The following REN variants were observed in gnomAD, a reference collection of about 807,000 sequenced individuals.
REN encodes renin, also known as angiotensin-forming enzyme.
In REN, 42 loss-of-function variants were observed where a neutral mutation model predicts 48.6. The ratio of observed to expected loss-of-function variants is 0.86; its 90% CI spans 0.68 to 1.12. The LOEUF is 1.12. Ranked by LOEUF, REN falls within the 50% of genes most tolerant of loss-of-function variation. REN has a pLI of 0.00. For missense variants in REN, 443 were observed against 527.3 expected (o/e 0.84, Z 1.57); for synonymous variants, 196 against 204.6 (o/e 0.96, Z 0.36).
At position 204,154,918 on chromosome 1, in the gene REN, C is replaced by T; in HGVS notation, c.*98G>A. 1 of 1,408,040 alleles carries T rather than the reference C, an allele frequency of 7.1e-7. No homozygotes were observed. Among genetic ancestry groups the T allele is most frequent in the Non-Finnish European group, 9.9e-7 (1 of 1,011,756 alleles). The allele number at this position is 1,408,040 out of a possible 1,614,324, so 87.2% of individuals were successfully genotyped here. ...AGCAGGAGCTCCACATCCAATGTCT[C>T]CATCTGAGGGCATAAGCCCAGGCAG... On this transcript the variant is annotated 3_prime_UTR_variant, in exon 10 of 10. Transcript: ENST00000272190.
chr1:204,155,345 C>T (rs11571123), intron 9 of REN, among the ~76,000 whole-genome samples, 168 bp from the exon 10 acceptor site: 1 of 152,166 alleles, frequency 6.6e-6, no homozygotes, highest in Non-Finnish European at 1.5e-5. Context: ...CCATCGTGGA[C>T]TGCACCACTC....
rs1553304566 is a variant in REN at position 204,156,336 on chromosome 1, T to TCAGACAGAGAGACAGA, written c.819-18_819-17insTCTGTCTCTCTGTCTG. The TCAGACAGAGAGACAGA allele has an allele frequency of 6.3e-6, 10 of 1,587,798 alleles. No homozygotes were observed. Among genetic ancestry groups the TCAGACAGAGAGACAGA allele is most frequent in the Admixed American group, 1.7e-5 (1 of 58,980 alleles). On this transcript the variant is annotated splice_polypyrimidine_tract_variant and intron_variant, in intron 7 of 9. Transcript: ENST00000272190. This position sits in a 1 kb window ranked among gnomAD's most constrained non-coding sequence, Gnocchi z 4.2. Reference sequence around the variant, plus strand: ...ACAGACACCCTGGGGGAGGCCACAGTCAGACAGACAGACAGACAGACAGAC... The same window carrying TCAGACAGAGAGACAGA: ...ACAGACACCCTGGGGGAGGCCACAGTCAGACAGAGAGACAGACAGACAGACAGACAGACAGACAGAC...
At position 204,156,364 on chromosome 1, in the gene REN, A is replaced by ACAGACAGACAGAC. The variant is rs202040411; in HGVS notation, c.819-46_819-45insGTCTGTCTGTCTG. ...GACAGACAGACAGACAGACAGACAG[A>ACAGACAGACAGAC]AGGCTGATGGGGCACCTCCAGGCTG... is the stretch of plus-strand genomic sequence containing the variant. On this transcript the variant is annotated intron_variant, in intron 7 of 9. Coordinates refer to ENST00000272190, the MANE Select transcript of REN (RefSeq NM_000537.4). This position sits in a 1 kb window ranked among gnomAD's most constrained non-coding sequence, Gnocchi z 4.2. 3.7e-6 allele frequency: 6 copies of ACAGACAGACAGAC among 1,601,708 alleles called. No homozygotes were observed. Among genetic ancestry groups the ACAGACAGACAGAC allele is most frequent in the African/African-American group, 2.7e-5 (2 of 74,210 alleles).
chr1:204,164,146 A>G (rs1485451677), intron 1 of REN, among the ~76,000 whole-genome samples: 1 of 152,158 alleles, frequency 6.6e-6, no homozygotes, highest in Non-Finnish European at 1.5e-5. Flanking sequence ...GCAGGGGAAG[A>G]TGTTTTTACT....
chr1:204,154,949 C>T lies in REN; in HGVS notation c.*67G>A. On this transcript the variant is annotated 3_prime_UTR_variant, in exon 10 of 10. Transcript: ENST00000272190. Reference sequence around the variant, plus strand: ...GAGGGCATAAGCCCAGGCAGAGGGGCATCTCAGAGAGTGTTCCAGCTCTGG... The same window carrying T: ...GAGGGCATAAGCCCAGGCAGAGGGGTATCTCAGAGAGTGTTCCAGCTCTGG... 6.4e-7 allele frequency: 1 copy of T among 1,573,574 alleles called. No homozygotes were observed. The highest frequency in any genetic ancestry group is 8.7e-7 in the Non-Finnish European group (1 of 1,150,154).
Position 204,154,939 on chromosome 1 carries a change from G to A in REN, c.*77C>T. 1 of 1,550,648 alleles carries A rather than the reference G, an allele frequency of 6.4e-7. No homozygotes were observed. The highest frequency in any genetic ancestry group is 2.2e-5 in the East Asian group (1 of 44,448). Reference sequence around the variant, plus strand: ...GTCTCCATCTGAGGGCATAAGCCCAGGCAGAGGGGCATCTCAGAGAGTGTT... The same window carrying A: ...GTCTCCATCTGAGGGCATAAGCCCAAGCAGAGGGGCATCTCAGAGAGTGTT... On this transcript the variant is annotated 3_prime_UTR_variant, in exon 10 of 10. Coordinates refer to ENST00000272190, the MANE Select transcript of REN (RefSeq NM_000537.4).
Position 204,166,324 on chromosome 1 carries a change from TC to T in REN, c.-32del. ...CCTCAGTCTGGGGCTCTCTCTGAGA[TC>T]CACTGAGGTTCTGTGGCTCCCTTAG... On this transcript the variant is annotated 5_prime_UTR_variant, in exon 1 of 10. Transcript: ENST00000272190. The T allele has an allele frequency of 6.3e-7, 1 of 1,593,304 alleles. No individual in the cohort carries two copies.
intron 9 of REN, 149 bp from the exon 10 acceptor site, chr1:204,155,326 C>A: frequency 1.1e-6 from 1 of 874,590 alleles, no homozygotes; most frequent in South Asian, 1.5e-5. Flanking sequence ...ACATCATGGC[C>A]ATTTTGCCCC....
chr1:204,165,100 T>C (rs1025695483), intron 1 of REN, among the ~76,000 whole-genome samples: 6 of 152,090 alleles, frequency 3.9e-5, no homozygotes, highest in African/African-American at 1.4e-4. Flanking sequence ...GCCTCCCAAG[T>C]AGCTGGAATT....
At position 204,160,572 on chromosome 1, in the gene REN, C is replaced by T. The variant is rs1420958764; in HGVS notation, c.480G>A (p.Gln160=). The T allele has an allele frequency of 5.0e-6, 8 of 1,613,278 alleles. No homozygotes were observed. The highest frequency in any genetic ancestry group is 6.8e-6 in the Non-Finnish European group (8 of 1,179,156). ...STGTVSGFLS[Q]DIITVGGITV... Reference sequence around the variant, plus strand: ...CGGCCCAACTTACGGTGATGATGTCCTGGCTGAGAAAGCCACTGACTGTCC... The same window carrying T: ...CGGCCCAACTTACGGTGATGATGTCTTGGCTGAGAAAGCCACTGACTGTCC... Residue 160 remains glutamine (Q), a synonymous_variant, in exon 4 of 10, where the codon CAG becomes CAA. Coordinates refer to ENST00000272190, the MANE Select transcript of REN (RefSeq NM_000537.4).
rs981539793 is a variant in REN, at chr1:204,156,045, C to T, written c.961-127G>A. 20 of 1,483,776 alleles carry T rather than the reference C, an allele frequency of 1.3e-5. No individual in the cohort carries two copies. Among genetic ancestry groups the T allele is most frequent in the Non-Finnish European group, 1.9e-5 (20 of 1,064,420 alleles). The allele number at this position is 1,483,776 out of a possible 1,614,324, so 91.9% of individuals were successfully genotyped here. Reference sequence around the variant, plus strand: ...GGACAGTGCCCCGCCCCATGGGTGACCAGCCACATGTGTGGAGAGTGTGAG... The same window carrying T: ...GGACAGTGCCCCGCCCCATGGGTGATCAGCCACATGTGTGGAGAGTGTGAG... On this transcript the variant is annotated intron_variant, in intron 8 of 9. Coordinates refer to ENST00000272190, the MANE Select transcript of REN (RefSeq NM_000537.4). This position sits in a 1 kb window ranked among gnomAD's most constrained non-coding sequence, Gnocchi z 4.2.
chr1:204,155,612 A>G (rs1658133512), intron 9 of REN, among the ~76,000 whole-genome samples: 1 of 152,014 alleles, frequency 6.6e-6, no homozygotes, highest in African/African-American at 2.4e-5. Flanking sequence ...GGGAAACTGA[A>G]CCCCAGGTGC....
intron 5 of REN, 113 bp from the exon 6 acceptor site, chr1:204,157,482 G>C: frequency 6.8e-7 from 1 of 1,468,374 alleles, no homozygotes; most frequent in Middle Eastern, 1.7e-4. Context: ...AGGCAATGGA[G>C]TCACCAAGAG....
intron 5 of REN, 127 bp downstream of exon 5, chr1:204,159,272 T>C: frequency 2.5e-6 from 2 of 806,462 alleles, no homozygotes; most frequent in Non-Finnish European, 4.3e-6. Context: ...CTAGTACAGC[T>C]CTAGATATTG....
chr1:204,162,000 G>A lies in REN; in HGVS notation c.249+13C>T. The stretch of plus-strand genomic sequence containing the variant: ...AGACAGGGAGGGAGCGAGGGGCTGA[G>A]CCAAGCACTCACGTCCATGTAGTTG... On this transcript the variant is annotated intron_variant, in intron 2 of 9. Coordinates refer to ENST00000272190, the MANE Select transcript of REN (RefSeq NM_000537.4). The A allele has an allele frequency of 6.2e-7, 1 of 1,614,046 alleles. No homozygotes were observed. Among genetic ancestry groups the A allele is most frequent in the Non-Finnish European group, 8.5e-7 (1 of 1,179,888 alleles).
Position 204,155,936 on chromosome 1 carries a change from G to A in REN, c.961-18C>T. On this transcript the variant is annotated intron_variant, in intron 8 of 9. Coordinates refer to ENST00000272190, the MANE Select transcript of REN (RefSeq NM_000537.4). Reference sequence around the variant, plus strand: ...ACGACATACTGGGGTGGGGGGCAAAGAGAGCCTTCTTGAGTATGGAAGACG... The same window carrying A: ...ACGACATACTGGGGTGGGGGGCAAAAAGAGCCTTCTTGAGTATGGAAGACG... The A allele has an allele frequency of 6.3e-7, 1 of 1,599,110 alleles. No homozygotes were observed. The highest frequency in any genetic ancestry group is 8.6e-7 in the Non-Finnish European group (1 of 1,167,080).
chr1:204,159,567 A>G lies in REN; in HGVS notation c.521T>C (p.Phe174Ser). The G allele has an allele frequency of 2.5e-6, 4 of 1,614,130 alleles. No individual in the cohort carries two copies. Among genetic ancestry groups the G allele is most frequent in the Non-Finnish European group, 3.4e-6 (4 of 1,180,026 alleles). The change falls in exon 5 of 10, where the codon TTT becomes TCT. Residue 174 changes from phenylalanine to serine, a missense_variant. Transcript: ENST00000272190. ...GGCGGGCATCTCCGTGACCTCTCCAAACATCTGTGTCACCGTGATTCCACC... is the reference window on the plus strand; with the variant it reads ...GGCGGGCATCTCCGTGACCTCTCCAGACATCTGTGTCACCGTGATTCCACC... Reference protein sequence around the residue: ...TVGGITVTQMFGEVTEMPALP... With the variant: ...TVGGITVTQMSGEVTEMPALP...
chr1:204,161,446 G>C, intron 2 of REN, 31 bp from the exon 3 acceptor site: 1 of 1,467,226 alleles, frequency 6.8e-7, no homozygotes, highest in Non-Finnish European at 9.1e-7. Context: ...GGCTGGAGGG[G>C]CTCAGGGGAC....
chr1:204,166,241 C>T lies in REN; in HGVS notation c.53G>A (p.Gly18Asp). ...TGTCGGGAGACCAAAGGTACAGGAG[C>T]CCCAGAGCAGCAGCAGCAGTCCCCA... ...PRWGLLLLLW[G>D]SCTFGLPTDT... Residue 18 changes from glycine to aspartate, a missense_variant, in exon 1 of 10, where the codon GGC becomes GAC. By Grantham distance (94) the Gly-to-Asp change is moderately conservative. Transcript: ENST00000272190. 6.2e-7 allele frequency: 1 copy of T among 1,614,182 alleles called. No homozygotes were observed.
Sources: gnomAD v4.1 joint callset for allele counts (sites outside exome capture counted in the v4.1 genomes callset) on GRCh38, gnomAD v4.1.1 for gene constraint, Gnocchi (gnomAD v3.1) non-coding constraint, MANE v1.5 for transcripts, NCBI Gene and HGNC (gene_info 2026-07-23, HGNC 2026-07-21) for gene names.